The following BDP1 variants were observed in gnomAD, a reference collection of about 807,000 sequenced individuals.
BDP1 encodes BDP1 general transcription factor IIIB subunit, also known as transcription factor TFIIIB component B'' homolog.
In BDP1, 169 loss-of-function variants were observed where a neutral mutation model predicts 266.6. That is an observed-to-expected ratio of 0.63 (90% CI 0.56 to 0.72). The LOEUF is 0.72. Ranked by LOEUF, BDP1 falls within the 30% of genes least tolerant of loss-of-function variation. The probability of loss-of-function intolerance (pLI) is 0.00; values close to 1 mark genes in which losing one functional copy is unlikely to be tolerated. For missense variants in BDP1, 3,015 were observed against 3,053.8 expected, an observed-to-expected ratio of 0.99 and a Z score of 0.30; for synonymous variants, 1,090 against 1,022.4, an observed-to-expected ratio of 1.07 and a Z score of -1.26.
chr5:71,527,348 C>G (rs892173963), intron 25 of BDP1, among the ~76,000 whole-genome samples: 67 of 152,186 alleles, frequency 4.4e-4, no homozygotes, highest in Non-Finnish European at 1.5e-4. Context: ...CCTGGTCACT[C>G]TCAGGTCTGC....
chr5:71,473,465 G>A (rs192512000), intron 7 of BDP1, among the ~76,000 whole-genome samples: 1 of 151,310 alleles, frequency 6.6e-6, no homozygotes, highest in East Asian at 2.0e-4. Flanking sequence ...TAGTTGAGAC[G>A]GAGTTTCACT....
chr5:71,568,752 T>A (rs889031953), downstream of BDP1, among the ~76,000 whole-genome samples: 4 of 152,254 alleles, frequency 2.6e-5, no homozygotes, highest in Admixed American at 6.5e-5. Flanking sequence ...GACATCTAGC[T>A]GCTTGCTAAT....
chr5:71,501,972 G>T (rs1362005799), intron 14 of BDP1, among the ~76,000 whole-genome samples: 1 of 152,078 alleles, frequency 6.6e-6, no homozygotes, highest in Non-Finnish European at 1.5e-5. Flanking sequence ...AATAGAATGT[G>T]AATCTGACTG....
rs371892721 is a variant in BDP1 at position 71,509,836 on chromosome 5, C to T, written c.2744C>T (p.Thr915Met). The stretch of plus-strand genomic sequence containing the variant: ...AGAGAGATTTGTCTAAGGGAGAAGA[C>T]GCCAGAGGTGATTGATGCCACTGAG... The part of the protein sequence containing the change: ...MGREICLREK[T>M]PEVIDATEEI... The change falls in exon 17 of 39, where the codon ACG becomes ATG. Residue 915 changes from threonine (T) to methionine (M), a missense_variant. Thr to Met is a moderately conservative substitution (Grantham distance 81). Transcript: ENST00000358731. 32 of 1,614,016 alleles carry T rather than the reference C, an allele frequency of 2.0e-5. No individual in the cohort carries two copies. The highest frequency in any genetic ancestry group is 1.7e-4 in the African/African-American group (13 of 75,004).
At chr5:71,539,700 C>A in intron 28 of BDP1, 51 bp downstream of exon 28, 1 of 1,293,970 alleles carries the variant, frequency 7.7e-7, no homozygotes, top group Non-Finnish European at 1.1e-6. Context: ...TAAAACCTAA[C>A]TTAAGAAATT....
intron 31 of BDP1, among the ~76,000 whole-genome samples, 174 bp from the exon 32 acceptor site, chr5:71,544,865 G>GT (rs1435047016): frequency 9.5e-6 from 1 of 105,474 alleles, no homozygotes; most frequent in African/African-American, 3.7e-5. Context: ...GGGCGACAGA[G>GT]TGAGACTCTG....
chr5:71,460,374 C>T (rs567652604), intron 2 of BDP1, among the ~76,000 whole-genome samples: 14 of 151,946 alleles, frequency 9.2e-5, no homozygotes, highest in East Asian at 1.9e-4. Flanking sequence ...AGCGAGACTC[C>T]GTCTCAAAAA....
At chr5:71,459,279 A>G (rs1364840878) in intron 2 of BDP1, among the ~76,000 whole-genome samples, 1 of 151,596 alleles carries the variant, frequency 6.6e-6, no homozygotes, top group Non-Finnish European at 1.5e-5. Flanking sequence ...TGGGAGGACT[A>G]GGGGGGCAGA....
chr5:71,514,463 C>A (rs1032794802), intron 19 of BDP1, among the ~76,000 whole-genome samples: 2 of 152,140 alleles, frequency 1.3e-5, no homozygotes, highest in South Asian at 2.1e-4. Context: ...TATCCACTTA[C>A]ACTTTTTCGT....
At position 71,497,280 on chromosome 5, in the gene BDP1, C is replaced by G. The variant is rs1396475344; in HGVS notation, c.1810C>G (p.Gln604Glu). ...ATGTTAATTTTTCAGGGAAATTGAT[C>G]AAACAGAAAATGTTAAACCAATGTT... ...DLKNNSLEID[Q>E]TENVKPMLRG... Residue 604 changes from glutamine to glutamate, a missense_variant, in exon 13 of 39, where the codon CAA becomes GAA. Gln to Glu is a conservative substitution (Grantham distance 29). Coordinates refer to ENST00000358731, the MANE Select transcript of BDP1 (RefSeq NM_018429.3). 3.1e-6 allele frequency: 5 copies of G among 1,611,380 alleles called. No homozygotes were observed. The highest frequency in any genetic ancestry group is 1.1e-5 in the South Asian group (1 of 90,672).
In BDP1 at chr5:71,468,041, G is replaced by A. The variant is rs535213389; in HGVS notation, c.919+554G>A. ...AAAAAATTTTTTTATTTTTTGAGACGGAGTTTCCCTCTTGTTGCCCAGGCT... is the reference window on the plus strand; with the variant it reads ...AAAAAATTTTTTTATTTTTTGAGACAGAGTTTCCCTCTTGTTGCCCAGGCT... On this transcript the variant is annotated intron_variant, in intron 6 of 38. Coordinates refer to ENST00000358731, the MANE Select transcript of BDP1 (RefSeq NM_018429.3). 7.9e-5 allele frequency among the ~76,000 whole-genome samples: 12 copies of A among 151,978 alleles called. No individual in the cohort carries two copies. The East Asian group carries it at 1.4e-3, about 17-fold the overall frequency.
intron 24 of BDP1, among the ~76,000 whole-genome samples, chr5:71,523,248 CCTAT>C (rs879573074): frequency 6.6e-6 from 1 of 152,336 alleles, no homozygotes. Context: ...TTTCTTTTAA[CCTAT>C]CTGTTTACCC....
At chr5:71,562,226 A>AG in intron 37 of BDP1, 48 bp from the exon 38 acceptor site, 1 of 981,804 alleles carries the variant, frequency 1.0e-6, no homozygotes. Flanking sequence ...AAAAAAAAGA[A>AG]TGTGTCTTCC....
chr5:71,468,680 C>T (rs918398468), intron 6 of BDP1, among the ~76,000 whole-genome samples: 8 of 147,906 alleles, frequency 5.4e-5, no homozygotes, highest in African/African-American at 1.7e-4. Flanking sequence ...GATCTCGGCT[C>T]ACTGCAACCT....
chr5:71,524,949 G>C (rs1400284034), intron 25 of BDP1, among the ~76,000 whole-genome samples: 1 of 151,084 alleles, frequency 6.6e-6, no homozygotes, highest in Non-Finnish European at 1.5e-5. Context: ...ACAGGGTTGG[G>C]GGTAAGGTCA....
the BDP1 span, among the ~76,000 whole-genome samples, chr5:71,573,090 G>A: frequency 2.0e-5 from 3 of 152,154 alleles, no homozygotes; most frequent in South Asian, 2.1e-4. Flanking sequence ...TTAGCCGGGC[G>A]TGGTGGCATG....
chr5:71,527,286 A>G (rs1765949425), intron 25 of BDP1, among the ~76,000 whole-genome samples: 1 of 152,062 alleles, frequency 6.6e-6, no homozygotes, highest in Non-Finnish European at 1.5e-5. Flanking sequence ...CCAAGATACA[A>G]GATACAAACA....
intron 11 of BDP1, among the ~76,000 whole-genome samples, chr5:71,492,358 A>G (rs939459157): frequency 3.3e-5 from 5 of 152,310 alleles, no homozygotes; most frequent in African/African-American, 1.2e-4. Context: ...ATAACCACCA[A>G]CAATGTACAG....
chr5:71,517,178 A>G (rs1287900675), intron 21 of BDP1, 144 bp from the exon 22 acceptor site: 6 of 686,378 alleles, frequency 8.7e-6, no homozygotes, highest in Admixed American at 3.6e-5. Context: ...CCTGGGCAGT[A>G]TGATGAGACT....
Sources: gnomAD v4.1 joint callset for allele counts (sites outside exome capture counted in the v4.1 genomes callset) on GRCh38, gnomAD v4.1.1 for gene constraint, MANE v1.5 for transcripts, NCBI Gene and HGNC (gene_info 2026-07-23, HGNC 2026-07-21) for gene names.